URB1: variants seen among roughly 807,000 people sequenced by gnomAD.
URB1 encodes nucleolar pre-ribosomal-associated protein 1.
A neutral mutation model predicts 242.3 loss-of-function variants in URB1; 197 were observed. The observed-to-expected ratio is 0.81, with a 90% CI of 0.72 to 0.91. URB1 has a LOEUF of 0.91. Ranked by LOEUF, URB1 falls within the 40% of genes least tolerant of loss-of-function variation. The pLI is 0.00. For missense variants in URB1, 2,721 were observed against 2,860.5 expected, an observed-to-expected ratio of 0.95 and a Z score of 1.11; for synonymous variants, 1,153 against 1,201.8, an observed-to-expected ratio of 0.96 and a Z score of 0.84.
In URB1 at chr21:32,316,647, C is replaced by T; in HGVS notation, c.6453G>A (p.Arg2151=). Residue 2151 remains arginine (R), a synonymous_variant, in exon 38 of 39, where the codon AGG becomes AGA. Transcript: ENST00000382751. ...CAGCCCCACAGAGCCGGCTATACAGCCTGAATATGCTGCTCCTCACGGCAC... is the reference window on the plus strand; with the variant it reads ...CAGCCCCACAGAGCCGGCTATACAGTCTGAATATGCTGCTCCTCACGGCAC... ...KDSAVRSSIF[R]LYSRLCGAEG... The T allele has an allele frequency of 6.4e-7, 1 of 1,551,520 alleles. No individual in the cohort carries two copies. Among genetic ancestry groups the T allele is most frequent in the Non-Finnish European group, 8.7e-7 (1 of 1,146,940 alleles).
chr21:32,372,100 G>A (rs539515111), intron 8 of URB1, among the ~76,000 whole-genome samples: 2 of 152,240 alleles, frequency 1.3e-5, no homozygotes, highest in African/African-American at 2.4e-5. Context: ...TAAGTGTCTC[G>A]ACCTCTCTAG....
chr21:32,348,999 C>T (rs1178517260), intron 21 of URB1, among the ~76,000 whole-genome samples: 1 of 152,258 alleles, frequency 6.6e-6, no homozygotes, highest in East Asian at 1.9e-4. Context: ...GCAGCACCTG[C>T]TGCCCACCTT....
chr21:32,385,873 C>T (rs994791749), intron 1 of URB1, among the ~76,000 whole-genome samples, 189 bp from the exon 2 acceptor site: 45 of 152,172 alleles, frequency 3.0e-4, no homozygotes, highest in African/African-American at 9.4e-4. Context: ...TAAACCCGGC[C>T]GGGCGCGGTG....
intron 22 of URB1, among the ~76,000 whole-genome samples, chr21:32,346,111 G>C (rs1266670038): frequency 1.3e-5 from 2 of 152,132 alleles, no homozygotes; most frequent in African/African-American, 2.4e-5. Flanking sequence ...CAGAGTGCCA[G>C]GTGTTAAAAA....
chr21:32,383,674 G>A, intron 3 of URB1, 120 bp from the exon 4 acceptor site: 19 of 1,092,954 alleles, frequency 1.7e-5, no homozygotes, highest in South Asian at 1.3e-4. Flanking sequence ...CAGAAAAAAA[G>A]AAGGAAAAAG....
intron 30 of URB1, among the ~76,000 whole-genome samples, chr21:32,330,490 A>T (rs6517093): frequency 7.0e-6 from 1 of 143,122 alleles, no homozygotes. Context: ...AGACCAAGGG[A>T]AAAAAAAAAA....
intron 3 of URB1, 134 bp from the exon 4 acceptor site, chr21:32,383,688 T>G (rs1280789450): frequency 9.6e-7 from 1 of 1,042,394 alleles, no homozygotes; most frequent in Non-Finnish European, 1.3e-6. Flanking sequence ...GAAAAAGACA[T>G]GCTCTTTTTT....
chr21:32,363,010 G>A, intron 11 of URB1, 146 bp downstream of exon 11: 2 of 1,006,334 alleles, frequency 2.0e-6, no homozygotes, highest in Non-Finnish European at 2.8e-6. Context: ...CTGACCCTCA[G>A]CACCCACGCT....
chr21:32,322,606 C>A, intron 32 of URB1, 22 bp from the exon 33 acceptor site: 1 of 1,531,882 alleles, frequency 6.5e-7, no homozygotes, highest in South Asian at 1.2e-5. Context: ...GGCAGTCAGT[C>A]AGTCATGGCA....
chr21:32,327,542 T>C (rs988337259), intron 30 of URB1, among the ~76,000 whole-genome samples: 4 of 151,956 alleles, frequency 2.6e-5, no homozygotes, highest in Admixed American at 6.5e-5. Context: ...AAGGAAGTAT[T>C]TTAGGAAGAA....
intron 25 of URB1, among the ~76,000 whole-genome samples, chr21:32,340,469 C>T (rs2033017012): frequency 6.6e-6 from 1 of 152,094 alleles, no homozygotes; most frequent in South Asian, 2.1e-4. Flanking sequence ...AAAAATTAGC[C>T]GAGCATGGTG....
At chr21:32,387,961 G>GC (rs1006173762) in intron 1 of URB1, among the ~76,000 whole-genome samples, 8 of 152,200 alleles carry the variant, frequency 5.3e-5, no homozygotes, top group Non-Finnish European at 8.8e-5. Flanking sequence ...GAAGCATGAG[G>GC]CCCAGAACAG....
intron 30 of URB1, among the ~76,000 whole-genome samples, chr21:32,329,707 C>G (rs547102309): frequency 3.3e-5 from 5 of 152,308 alleles, no homozygotes; most frequent in African/African-American, 9.6e-5. Context: ...TAATTACTCT[C>G]AAGACTGGCA....
intron 5 of URB1, among the ~76,000 whole-genome samples, chr21:32,376,639 A>G (rs2033462128): frequency 6.6e-6 from 1 of 152,008 alleles, no homozygotes; most frequent in African/African-American, 2.4e-5. Flanking sequence ...TAAGTGCAGC[A>G]TGTTTTTTTT....
In URB1 at chr21:32,320,975, C is replaced by G. The variant is rs755855354; in HGVS notation, c.5485-335G>C. On this transcript the variant is annotated intron_variant, in intron 34 of 38. Transcript: ENST00000382751. ...CCGGCACAGGGAGTGCGTGAGGGCC[C>G]GCCTCCAGGCCAGCTGCTGGCCGCC... Among the ~76,000 whole-genome samples, 4 of 152,214 alleles carry G rather than the reference C, an allele frequency of 2.6e-5. No homozygotes were observed. The South Asian group carries it at 8.3e-4, about 32-fold the overall frequency.
chr21:32,342,657 AG>A (rs2033043272), intron 24 of URB1, among the ~76,000 whole-genome samples: 1 of 147,276 alleles, frequency 6.8e-6, no homozygotes, highest in Non-Finnish European at 1.5e-5. Flanking sequence ...AGGAAGCACT[AG>A]TGCCAACTTG....
At chr21:32,359,289 G>A (rs1354939287) in intron 14 of URB1, among the ~76,000 whole-genome samples, 1 of 152,110 alleles carries the variant, frequency 6.6e-6, no homozygotes, top group African/African-American at 2.4e-5. Flanking sequence ...GTGGCATCCT[G>A]AGCTTCCCTT....
chr21:32,361,216 A>G, intron 12 of URB1, 93 bp from the exon 13 acceptor site: 1 of 873,772 alleles, frequency 1.1e-6, no homozygotes, highest in African/African-American at 1.7e-5. Flanking sequence ...AATAGCTTGA[A>G]TTAGAAAACA....
In URB1 at chr21:32,311,127, C is replaced by T. The variant is rs1026682461; in HGVS notation, c.*3791G>A. ...GAGCAAAGCCACATCTTACATGACA[C>T]AGGCAAAAGGGCATGTGCAGGGAAA... On this transcript the variant is annotated 3_prime_UTR_variant, in exon 39 of 39. Coordinates refer to ENST00000382751, the MANE Select transcript of URB1 (RefSeq NM_014825.3). The T allele has an allele frequency of 2.0e-5, 3 of 153,300 alleles. No homozygotes were observed. The highest frequency in any genetic ancestry group is 7.2e-5 in the African/African-American group (3 of 41,446). 9.5% of individuals were successfully genotyped at this position (153,300 alleles called of 1,614,324 possible). A position where few individuals can be genotyped will look rare whatever the true frequency, so the allele number is the denominator to read the frequency against.
Sources: allele counts gnomAD v4.1 joint callset (sites outside exome capture counted in the v4.1 genomes callset), GRCh38; gene constraint gnomAD v4.1.1; transcripts MANE v1.5; gene names NCBI Gene and HGNC (gene_info 2026-07-23, HGNC 2026-07-21).